ANTXR1: variants seen among roughly 807,000 people sequenced by gnomAD.
The protein encoded by ANTXR1 is anthrax toxin receptor 1.
A neutral mutation model predicts 78.1 loss-of-function variants in ANTXR1; 19 were observed. The ratio of observed to expected loss-of-function variants is 0.24; its 90% CI spans 0.17 to 0.36. The LOEUF is 0.36. Among genes scored for constraint, ANTXR1 ranks in the 10% least tolerant of loss-of-function variants. The pLI is 1.00. For synonymous variants in ANTXR1, 273 were observed against 260.5 expected, an observed-to-expected ratio of 1.05 and a Z score of -0.46; for missense variants, 518 against 718.6, an observed-to-expected ratio of 0.72 and a Z score of 3.19.
chr2:69,099,157 C>T (rs1430014406), intron 9 of ANTXR1, among the ~76,000 whole-genome samples: 5 of 152,234 alleles, frequency 3.3e-5, no homozygotes, highest in Admixed American at 2.0e-4. Context: ...AATCTACTTT[C>T]TGTCTCTGTA....
chr2:69,149,574 T>C (rs1053070492), intron 12 of ANTXR1, among the ~76,000 whole-genome samples: 3 of 152,228 alleles, frequency 2.0e-5, no homozygotes, highest in African/African-American at 7.2e-5. Context: ...GTAGACTTTA[T>C]TGAAGTACTG....
chr2:69,178,378 C>G (rs553321683), intron 14 of ANTXR1, among the ~76,000 whole-genome samples: 1 of 152,342 alleles, frequency 6.6e-6, no homozygotes, highest in Admixed American at 6.5e-5. Context: ...AGGCCAGCTC[C>G]GGTCAGGGGA....
intron 12 of ANTXR1, among the ~76,000 whole-genome samples, chr2:69,147,495 A>G (rs1032107549): frequency 6.6e-6 from 1 of 152,180 alleles, no homozygotes; most frequent in African/African-American, 2.4e-5. Flanking sequence ...ATGTTCACCC[A>G]TGCTATGTGC....
At chr2:69,082,749 A>C (rs557881627) in intron 8 of ANTXR1, among the ~76,000 whole-genome samples, 1 of 152,118 alleles carries the variant, frequency 6.6e-6, no homozygotes, top group African/African-American at 2.4e-5. Flanking sequence ...GCCTGAAACC[A>C]AGGACACTGT....
intron 13 of ANTXR1, among the ~76,000 whole-genome samples, chr2:69,167,046 C>T (rs948985483): frequency 7.9e-5 from 12 of 152,002 alleles, no homozygotes; most frequent in African/African-American, 2.7e-4. Flanking sequence ...GTGGACTGAG[C>T]GTGGAGGAGG....
intron 12 of ANTXR1, chr2:69,146,201 T>C (rs1558598159): frequency 2.0e-6 from 2 of 985,338 alleles, no homozygotes; most frequent in Non-Finnish European, 1.2e-6. Flanking sequence ...CTTAAAACTA[T>C]TCATTGAAGA....
At chr2:69,181,192 A>G (rs1180893427) in intron 14 of ANTXR1, among the ~76,000 whole-genome samples, 1 of 152,226 alleles carries the variant, frequency 6.6e-6, no homozygotes, top group Non-Finnish European at 1.5e-5. Context: ...GAGCAAGTGC[A>G]TGGGGGCTTG....
rs188561723 is a variant in ANTXR1, at chr2:69,104,525, G to A, written c.802+1585G>A. On this transcript the variant is annotated intron_variant, in intron 10 of 17. Coordinates refer to ENST00000303714, the MANE Select transcript of ANTXR1 (RefSeq NM_032208.3). ...AGTAGTCACAGTGTGAAAGTTGGAC[G>A]TGTGCCCCCAGCAGAGTTCTTTCTT... Among the ~76,000 whole-genome samples, 88 of 152,288 alleles carry A rather than the reference G, an allele frequency of 5.8e-4. 1 individual carries two copies. The highest frequency in any genetic ancestry group is 4.2e-4 in the South Asian group (2 of 4,818).
At chr2:69,029,095 G>A (rs1671444827) in intron 1 of ANTXR1, among the ~76,000 whole-genome samples, 1 of 151,322 alleles carries the variant, frequency 6.6e-6, no homozygotes. Context: ...CAGGCGTGGT[G>A]GCGCGTGCCT....
intron 14 of ANTXR1, 76 bp from the exon 15 acceptor site, chr2:69,181,710 A>G (rs1166564911): frequency 2.2e-6 from 3 of 1,375,534 alleles, no homozygotes; most frequent in Admixed American, 3.4e-5. Flanking sequence ...CTCTACTCCT[A>G]ATCACTTGGC....
At chr2:69,203,826 T>G (rs1374728515) in intron 17 of ANTXR1, among the ~76,000 whole-genome samples, 2 of 152,156 alleles carry the variant, frequency 1.3e-5, no homozygotes, top group African/African-American at 4.8e-5. Context: ...AACTTCAGAT[T>G]GTCTCATCTC....
At chr2:69,063,192 A>G (rs1181987243) in intron 3 of ANTXR1, among the ~76,000 whole-genome samples, 1 of 152,182 alleles carries the variant, frequency 6.6e-6, no homozygotes, top group Non-Finnish European at 1.5e-5. Context: ...AGAAGCTCAA[A>G]GAACCTCAAG....
chr2:69,105,023 T>A (rs150881896), intron 10 of ANTXR1, among the ~76,000 whole-genome samples: 2,416 of 152,242 alleles, frequency 0.016, 78 homozygotes, highest in African/African-American at 0.055. Flanking sequence ...GAGGCAGAGG[T>A]TGCAGTGAAC....
At chr2:69,199,980 G>A (rs1314736838) in intron 17 of ANTXR1, among the ~76,000 whole-genome samples, 1 of 152,128 alleles carries the variant, frequency 6.6e-6, no homozygotes, top group East Asian at 1.9e-4. Flanking sequence ...GCTACTGCTT[G>A]AGTAAAGAAG....
chr2:69,050,293 A>G (rs1028303977), intron 3 of ANTXR1, among the ~76,000 whole-genome samples: 24 of 151,520 alleles, frequency 1.6e-4, no homozygotes, highest in African/African-American at 5.3e-4. Flanking sequence ...AGTGTGCTGT[A>G]TCAAAAATAA....
chr2:69,015,101 C>T (rs1172301990), intron 1 of ANTXR1, among the ~76,000 whole-genome samples: 1 of 151,096 alleles, frequency 6.6e-6, no homozygotes, highest in African/African-American at 2.4e-5. Flanking sequence ...GACAGAATCA[C>T]CATGTCTCTG....
chr2:69,051,365 GGTT>G (rs1017793391), intron 3 of ANTXR1, among the ~76,000 whole-genome samples: 10 of 151,696 alleles, frequency 6.6e-5, no homozygotes, highest in African/African-American at 2.4e-4. Flanking sequence ...AATCTGATAT[GGTT>G]GTTGAATTTT....
chr2:69,021,406 A>G (rs1671185407), intron 1 of ANTXR1, among the ~76,000 whole-genome samples: 3 of 152,224 alleles, frequency 2.0e-5, no homozygotes, highest in Non-Finnish European at 1.5e-5. Flanking sequence ...TCTCAGTTAC[A>G]CAAAACAACA....
intron 12 of ANTXR1, among the ~76,000 whole-genome samples, chr2:69,125,355 G>A (rs11126218): frequency 6.6e-6 from 1 of 151,988 alleles, no homozygotes; most frequent in Non-Finnish European, 1.5e-5. Flanking sequence ...TGCCCTGACC[G>A]CATTCGAGAC....
Sources: gnomAD v4.1 joint callset for allele counts (sites outside exome capture counted in the v4.1 genomes callset) on GRCh38, gnomAD v4.1.1 for gene constraint, MANE v1.5 for transcripts, NCBI Gene and HGNC (gene_info 2026-07-23, HGNC 2026-07-21) for gene names.